The following SLC4A4 variants were observed in gnomAD, a reference collection of about 807,000 sequenced individuals.
The protein encoded by SLC4A4 is solute carrier family 4 member 4.
In SLC4A4, 27 loss-of-function variants were observed where a neutral mutation model predicts 111.5. The ratio of observed to expected loss-of-function variants is 0.24; its 90% CI spans 0.18 to 0.33. SLC4A4 has a LOEUF of 0.33. Among genes scored for constraint, SLC4A4 ranks in the 10% least tolerant of loss-of-function variants. The pLI is 1.00. For missense variants in SLC4A4, 909 were observed against 1,315.5 expected (o/e 0.69, Z 4.78); for synonymous variants, 443 against 463.4 (o/e 0.96, Z 0.57).
intron 12 of SLC4A4, among the ~76,000 whole-genome samples, chr4:71,463,150 G>C (rs539117845): frequency 6.6e-6 from 1 of 152,278 alleles, no homozygotes; most frequent in African/African-American, 2.4e-5. Flanking sequence ...AGAGCACTTT[G>C]TGGCATCCTA....
chr4:71,537,146 A>AT (rs1167807406), intron 18 of SLC4A4, among the ~76,000 whole-genome samples: 1 of 151,458 alleles, frequency 6.6e-6, no homozygotes, highest in Non-Finnish European at 1.5e-5. Context: ...TTTCCTGAAT[A>AT]TTTTTCCTGC....
intron 2 of SLC4A4, among the ~76,000 whole-genome samples, chr4:71,150,949 G>A (rs1332683148): frequency 1.3e-5 from 2 of 152,202 alleles, no homozygotes; most frequent in African/African-American, 2.4e-5. Flanking sequence ...GAAAGACCAT[G>A]CCTCAAATTG....
chr4:71,099,559 A>G (rs765729678), intron 2 of SLC4A4, among the ~76,000 whole-genome samples: 20 of 152,166 alleles, frequency 1.3e-4, no homozygotes, highest in Non-Finnish European at 2.5e-4. Context: ...AACCAACCCC[A>G]ATGCTAGCAG....
At chr4:71,224,464 G>A (rs1262646598) in intron 1 of SLC4A4, among the ~76,000 whole-genome samples, 2 of 152,180 alleles carry the variant, frequency 1.3e-5, no homozygotes, top group African/African-American at 2.4e-5. Context: ...AACAGTTATA[G>A]CCATGTGGTT....
At chr4:71,440,893 T>C (rs917951996) in intron 8 of SLC4A4, 120 bp downstream of exon 8, 21 of 1,132,484 alleles carry the variant, frequency 1.9e-5, no homozygotes, top group Non-Finnish European at 2.8e-5. Context: ...GAGGTTTAAC[T>C]TGAAATAATG....
intron 2 of SLC4A4, among the ~76,000 whole-genome samples, chr4:71,162,698 T>C (rs1016091268): frequency 6.6e-6 from 1 of 152,208 alleles, no homozygotes; most frequent in Non-Finnish European, 1.5e-5. Flanking sequence ...TTTATCTTTG[T>C]GTTTGATTTT....
chr4:71,535,694 T>C (rs1021333372), intron 18 of SLC4A4, among the ~76,000 whole-genome samples: 1 of 152,052 alleles, frequency 6.6e-6, no homozygotes, highest in African/African-American at 2.4e-5. Context: ...CATGGGAAAG[T>C]TGCTAAAACC....
At chr4:71,340,385 T>A (rs1328143147) in intron 4 of SLC4A4, among the ~76,000 whole-genome samples, 1 of 152,224 alleles carries the variant, frequency 6.6e-6, no homozygotes, top group African/African-American at 2.4e-5. Flanking sequence ...CTTATATAAC[T>A]GTTATTACAG....
chr4:71,539,377 A>G (rs369460959), intron 18 of SLC4A4, among the ~76,000 whole-genome samples: 1 of 151,948 alleles, frequency 6.6e-6, no homozygotes, highest in Non-Finnish European at 1.5e-5. Context: ...AAGAACTTCC[A>G]TTTGTCCTAG....
intron 7 of SLC4A4, among the ~76,000 whole-genome samples, chr4:71,425,025 ATTAAGT>A (rs1280398535): frequency 6.6e-6 from 1 of 152,122 alleles, no homozygotes; most frequent in African/African-American, 2.4e-5. Flanking sequence ...GTAATAGCTG[ATTAAGT>A]TTAGAGAATA....
chr4:71,558,336 G>A (rs1736654851), intron 22 of SLC4A4, among the ~76,000 whole-genome samples: 1 of 151,966 alleles, frequency 6.6e-6, no homozygotes, highest in Admixed American at 6.6e-5. Flanking sequence ...GGCAACTTGT[G>A]AGAACTCATC....
Position 71,569,765 on chromosome 4 carries a change from AT to A in SLC4A4, c.*2016del, listed in dbSNP as rs1737792848. The A allele has an allele frequency of 6.6e-6, 1 of 151,708 alleles. No individual in the cohort carries two copies. The allele number at this position is 151,708 out of a possible 1,614,324, so 9.4% of individuals were successfully genotyped here. On this transcript the variant is annotated 3_prime_UTR_variant, in exon 26 of 26. Transcript: ENST00000264485. The stretch of plus-strand genomic sequence containing the variant: ...ATTATTCTGTCTCCTTGTAATTTTG[AT>A]TACAAAAATTTTATTATCCTGAGTT...
In SLC4A4 at chr4:71,239,783, A is replaced by C. The variant is rs554770754; in HGVS notation, c.73+3134A>C. 5.3e-5 allele frequency among the ~76,000 whole-genome samples: 8 copies of C among 152,306 alleles called. No individual in the cohort carries two copies. The South Asian group carries it at 1.7e-3, about 32-fold the overall frequency. On this transcript the variant is annotated intron_variant, in intron 2 of 25. Coordinates refer to ENST00000264485, the MANE Select transcript of SLC4A4 (RefSeq NM_001098484.3). ...AATTTTAATCTTTAAAATAAATAGA[A>C]GCCTTTAAATCTGCTCTTCCACTGG...
chr4:71,126,979 C>G (rs146746780), intron 2 of SLC4A4, among the ~76,000 whole-genome samples: 474 of 152,238 alleles, frequency 3.1e-3, no homozygotes, highest in Middle Eastern at 0.017. Context: ...ACTGGGATGG[C>G]TAATGATAAC....
intron 2 of SLC4A4, among the ~76,000 whole-genome samples, chr4:71,095,755 G>C (rs1742526504): frequency 6.6e-6 from 1 of 152,144 alleles, no homozygotes. Flanking sequence ...AATGAAACTA[G>C]TTATAATAAT....
At chr4:71,507,658 C>A (rs1578070639) in intron 16 of SLC4A4, among the ~76,000 whole-genome samples, 1 of 152,008 alleles carries the variant, frequency 6.6e-6, no homozygotes. Flanking sequence ...ACTTTAATAC[C>A]CCACTGACAA....
chr4:71,342,562 G>T (rs1728979520), intron 4 of SLC4A4, among the ~76,000 whole-genome samples: 1 of 152,118 alleles, frequency 6.6e-6, no homozygotes, highest in African/African-American at 2.4e-5. Context: ...TTTAATTCCT[G>T]TGTGTATACT....
chr4:71,245,178 G>T (rs925251417), intron 2 of SLC4A4, among the ~76,000 whole-genome samples: 2 of 152,150 alleles, frequency 1.3e-5, no homozygotes, highest in African/African-American at 4.8e-5. Context: ...TGGACCATGT[G>T]AACAGGGGGA....
intron 6 of SLC4A4, among the ~76,000 whole-genome samples, chr4:71,392,222 GT>G (rs1719358898): frequency 6.6e-6 from 1 of 151,998 alleles, no homozygotes; most frequent in East Asian, 1.9e-4. Context: ...TAAACAGTGC[GT>G]TTCCAAAACA....
Sources: allele counts gnomAD v4.1 joint callset (sites outside exome capture counted in the v4.1 genomes callset), GRCh38; gene constraint gnomAD v4.1.1; transcripts MANE v1.5; gene names NCBI Gene and HGNC (gene_info 2026-07-23, HGNC 2026-07-21).